CRTAP: variants seen among roughly 807,000 people sequenced by gnomAD.
CRTAP encodes the protein cartilage associated protein, also known as cartilage-associated protein.
In CRTAP, 33 loss-of-function variants were observed where a neutral mutation model predicts 42.7. The ratio of observed to expected loss-of-function variants is 0.77; its 90% confidence interval spans 0.59 to 1.03. The LOEUF is 1.03. Ranked by LOEUF, CRTAP falls within the 50% of genes least tolerant of loss-of-function variation. CRTAP has a pLI of 0.00. For missense variants in CRTAP, 613 were observed against 533.9 expected (o/e 1.15, Z -1.46); for synonymous variants, 243 against 217.7 (o/e 1.12, Z -1.02).
chr3:33,142,876 A>T lies in CRTAP; in HGVS notation c.*428A>T, dbSNP rs2030619571. On this transcript the variant is annotated 3_prime_UTR_variant, in exon 7 of 7. Coordinates refer to ENST00000320954, the MANE Select transcript of CRTAP (RefSeq NM_006371.5). Reference sequence around the variant, plus strand: ...GCCATGTTGGCCAGGCTGGTCTCGAACTCTTGACTTCAGATGATCCATCTG... The same window carrying T: ...GCCATGTTGGCCAGGCTGGTCTCGATCTCTTGACTTCAGATGATCCATCTG... The T allele has an allele frequency of 9.7e-6, 2 of 205,902 alleles. No homozygotes were observed. 12.8% of individuals were successfully genotyped at this position (205,902 alleles called of 1,614,324 possible).
At chr3:33,142,093 G>A (rs1041787562) in intron 6 of CRTAP, among the ~76,000 whole-genome samples, 1 of 152,170 alleles carries the variant, frequency 6.6e-6, no homozygotes, top group African/African-American at 2.4e-5. Context: ...GGGAGGAAGG[G>A]GAGTAGGCAG....
chr3:33,132,742 T>A, intron 5 of CRTAP, 42 bp downstream of exon 5: 2 of 1,610,926 alleles, frequency 1.2e-6, no homozygotes, highest in Non-Finnish European at 1.7e-6. Context: ...TCTTCATTCT[T>A]GCCTTCTGGA....
chr3:33,114,564 C>T lies in CRTAP; in HGVS notation c.471+16C>T, dbSNP rs774287562. 9 of 1,562,930 alleles carry T rather than the reference C, an allele frequency of 5.8e-6. No homozygotes were observed. Among genetic ancestry groups the T allele is most frequent in the African/African-American group, 2.7e-5 (2 of 73,866 alleles). On this transcript the variant is annotated intron_variant, in intron 1 of 6. Coordinates refer to ENST00000320954, the MANE Select transcript of CRTAP (RefSeq NM_006371.5). ...TTACTTCAAGGCAAGTCCGCCTCGC[C>T]CCGTCCCAGGCCCCGGCCCCGCCCC...
chr3:33,118,892 C>T (rs1244966737), intron 1 of CRTAP, among the ~76,000 whole-genome samples: 1 of 152,218 alleles, frequency 6.6e-6, no homozygotes, highest in East Asian at 1.9e-4. Context: ...CCGATAAGTG[C>T]CAGCCCTGAA....
chr3:33,137,445 T>A (rs2030455124), intron 6 of CRTAP, among the ~76,000 whole-genome samples: 1 of 152,208 alleles, frequency 6.6e-6, no homozygotes, highest in Admixed American at 6.5e-5. Context: ...CCAGCTTGAC[T>A]TGCACCTTCT....
At chr3:33,133,366 C>A (rs573413431) in intron 5 of CRTAP, among the ~76,000 whole-genome samples, 1 of 151,282 alleles carries the variant, frequency 6.6e-6, no homozygotes, top group South Asian at 2.1e-4. Flanking sequence ...TCAAGCGATT[C>A]TCTTGCCTTA....
chr3:33,121,088 T>A (rs2029871450), intron 2 of CRTAP, among the ~76,000 whole-genome samples: 1 of 151,924 alleles, frequency 6.6e-6, no homozygotes, highest in Non-Finnish European at 1.5e-5. Flanking sequence ...GGGGCCTGGG[T>A]TTCAAGCAAG....
intron 1 of CRTAP, among the ~76,000 whole-genome samples, chr3:33,116,981 T>A (rs1701349498): frequency 6.6e-6 from 1 of 151,980 alleles, no homozygotes; most frequent in Non-Finnish European, 1.5e-5. Context: ...GTGGCGTGCC[T>A]TTCTAGTTTC....
chr3:33,136,982 T>G (rs1258179074), intron 6 of CRTAP, among the ~76,000 whole-genome samples: 1 of 152,234 alleles, frequency 6.6e-6, no homozygotes, highest in African/African-American at 2.4e-5. Flanking sequence ...CCAGACTGTT[T>G]TTCAAAGTGG....
At chr3:33,121,718 G>A (rs114193482) in intron 2 of CRTAP, among the ~76,000 whole-genome samples, 1 of 152,256 alleles carries the variant, frequency 6.6e-6, no homozygotes, top group Non-Finnish European at 1.5e-5. Flanking sequence ...CCTGATTTTA[G>A]CCTCATGCCT....
chr3:33,137,066 T>TAA (rs1185149067), intron 6 of CRTAP, among the ~76,000 whole-genome samples: 1 of 132,680 alleles, frequency 7.5e-6, no homozygotes, highest in Non-Finnish European at 1.8e-5. Flanking sequence ...AACTTAATAT[T>TAA]GTCTTTTTTT....
chr3:33,133,761 C>G (rs2030341566), intron 5 of CRTAP, among the ~76,000 whole-genome samples: 1 of 152,200 alleles, frequency 6.6e-6, no homozygotes, highest in Admixed American at 6.5e-5. Flanking sequence ...CTGGTAGTCT[C>G]TTTTGCGGAT....
At position 33,114,361 on chromosome 3, in the gene CRTAP, A is replaced by T. The variant is rs1701315778; in HGVS notation, c.284A>T (p.Glu95Val). ...HRNCSAAPQP[E>V]PAAGLASYPE... ...AACTGCAGCGCCGCGCCGCAGCCCG[A>T]GCCCGCCGCCGGCCTCGCCAGCTAT... Residue 95 changes from glutamate (E) to valine (V), a missense_variant, in exon 1 of 7, where the codon GAG becomes GTG. Physicochemically the swap from Glu to Val is moderately radical, Grantham distance 121 (BLOSUM62 -2). Coordinates refer to ENST00000320954, the MANE Select transcript of CRTAP (RefSeq NM_006371.5). 1 of 1,522,570 alleles carries T rather than the reference A, an allele frequency of 6.6e-7. No individual in the cohort carries two copies. Among genetic ancestry groups the T allele is most frequent in the Non-Finnish European group, 8.8e-7 (1 of 1,141,472 alleles). 94.3% of individuals were successfully genotyped at this position (1,522,570 alleles called of 1,614,324 possible). A position where few individuals can be genotyped will look rare whatever the true frequency, so the allele number is the denominator to read the frequency against.
Position 33,134,193 on chromosome 3 carries a change from G to T in CRTAP, c.1080G>T (p.Gln360His). Residue 360 changes from glutamine to histidine, a missense_variant, in exon 6 of 7, where the codon CAG (glutamine) becomes CAT (histidine). Coordinates refer to ENST00000320954, the MANE Select transcript of CRTAP (RefSeq NM_006371.5). ...TTGTGTCTGAACAGGAAGCAGTTCAGTTCTTTAATGTGACCACACTCCAGA... is the reference window on the plus strand; with the variant it reads ...TTGTGTCTGAACAGGAAGCAGTTCATTTCTTTAATGTGACCACACTCCAGA... ...EHFQPRPEAV[Q>H]FFNVTTLQKE... is the part of the protein sequence containing the mutation. 1 of 1,612,620 alleles carries T rather than the reference G, an allele frequency of 6.2e-7. No individual in the cohort carries two copies.
In CRTAP at chr3:33,114,565, C is replaced by G. The variant is rs1416270960; in HGVS notation, c.471+17C>G. On this transcript the variant is annotated intron_variant, in intron 1 of 6. Coordinates refer to ENST00000320954, the MANE Select transcript of CRTAP (RefSeq NM_006371.5). The stretch of plus-strand genomic sequence containing the variant: ...TACTTCAAGGCAAGTCCGCCTCGCC[C>G]CGTCCCAGGCCCCGGCCCCGCCCCT... The G allele has an allele frequency of 6.4e-7, 1 of 1,560,548 alleles. No individual in the cohort carries two copies. The highest frequency in any genetic ancestry group is 8.7e-7 in the Non-Finnish European group (1 of 1,153,186).
At chr3:33,118,872 T>A (rs1425544449) in intron 1 of CRTAP, among the ~76,000 whole-genome samples, 2 of 152,216 alleles carry the variant, frequency 1.3e-5, no homozygotes, top group African/African-American at 2.4e-5. Context: ...TTCTGCCGTC[T>A]TGAACACTGC....
rs1229438028 is a variant in CRTAP at position 33,124,321 on chromosome 3, G to T, written c.622-87G>T. ...TTCAGAGCTAATGAGAGCTAGCTTG[G>T]TGGTGGTCTTGGTTCCCTTTGAGAT... On this transcript the variant is annotated intron_variant, in intron 2 of 6. Transcript: ENST00000320954. 4 of 1,508,836 alleles carry T rather than the reference G, an allele frequency of 2.7e-6. No homozygotes were observed. In the African/African-American group the frequency reaches 5.5e-5, roughly 21 times the overall value. The allele number at this position is 1,508,836 out of a possible 1,614,324, so 93.5% of individuals were successfully genotyped here.
At chr3:33,135,969 T>C (rs981641621) in intron 6 of CRTAP, among the ~76,000 whole-genome samples, 3 of 152,212 alleles carry the variant, frequency 2.0e-5, no homozygotes, top group Admixed American at 2.0e-4. Context: ...ATCACTGTTA[T>C]TTAACTTTAG....
intron 4 of CRTAP, among the ~76,000 whole-genome samples, chr3:33,131,690 C>A (rs1333470822): frequency 1.3e-5 from 2 of 151,836 alleles, no homozygotes; most frequent in African/African-American, 4.9e-5. Flanking sequence ...TCTAGACCAC[C>A]TACCATGCTA....
Sources: gnomAD v4.1 joint callset for allele counts (sites outside exome capture counted in the v4.1 genomes callset) on GRCh38, gnomAD v4.1.1 for gene constraint, MANE v1.5 for transcripts, NCBI Gene and HGNC (gene_info 2026-07-23, HGNC 2026-07-21) for gene names.